Variants in EPRS1 observed in about 807,000 individuals in gnomAD.
EPRS1 encodes glutamyl-prolyl-tRNA synthetase 1, also known as bifunctional glutamate/proline--tRNA ligase.
In EPRS1, 107 loss-of-function variants were observed where a neutral mutation model predicts 188.3. That is an observed-to-expected ratio of 0.57 (90% CI 0.49 to 0.67). The LOEUF (loss-of-function observed/expected upper bound fraction) is 0.67. Among genes scored for constraint, EPRS1 ranks in the 30% least tolerant of loss-of-function variants. The pLI is 0.00. For missense variants in EPRS1, 1,577 were observed against 1,802.2 expected (o/e 0.88, Z 2.26); for synonymous variants, 596 against 593.1 (o/e 1.00, Z -0.07).
chr1:220,021,873 T>G (rs74638998), intron 9 of EPRS1, among the ~76,000 whole-genome samples: 2 of 145,578 alleles, frequency 1.4e-5, no homozygotes, highest in African/African-American at 5.1e-5. Context: ...TTTTTTTTTT[T>G]GGAAAAGGTC....
At chr1:220,018,425 A>G in intron 12 of EPRS1, 24 bp downstream of exon 12, 1 of 1,569,294 alleles carries the variant, frequency 6.4e-7, no homozygotes, top group East Asian at 2.2e-5. Flanking sequence ...ATGAGAAAAG[A>G]AGGCAGAGAG....
intron 30 of EPRS1, among the ~76,000 whole-genome samples, chr1:219,970,306 A>C (rs1313611223): frequency 6.6e-6 from 1 of 152,256 alleles, no homozygotes; most frequent in African/African-American, 2.4e-5. Flanking sequence ...AAAGCAGCTG[A>C]AAATCTAGAG....
intron 1 of EPRS1, among the ~76,000 whole-genome samples, chr1:220,045,151 G>C (rs1293944068): frequency 2.0e-5 from 3 of 152,282 alleles, no homozygotes; most frequent in African/African-American, 7.2e-5. Flanking sequence ...AAAGGTATGG[G>C]CTTCTTCAAC....
chr1:219,999,684 C>T (rs1293258993), intron 17 of EPRS1, among the ~76,000 whole-genome samples: 6 of 151,970 alleles, frequency 3.9e-5, no homozygotes, highest in Non-Finnish European at 8.8e-5. Flanking sequence ...ATTTTAGAAT[C>T]CAGCCCAGGC....
intron 24 of EPRS1, 129 bp from the exon 25 acceptor site, chr1:219,980,986 G>A: frequency 1.6e-6 from 1 of 614,138 alleles, no homozygotes; most frequent in Non-Finnish European, 2.9e-6. Context: ...TGAAACCTCT[G>A]CCTCCCAGGC....
At chr1:219,991,719 C>T (rs1040449691) in intron 18 of EPRS1, among the ~76,000 whole-genome samples, 4 of 152,228 alleles carry the variant, frequency 2.6e-5, no homozygotes, top group South Asian at 2.1e-4. Flanking sequence ...AGGGTAGAGC[C>T]GAGATCCTGA....
chr1:219,980,865 A>G lies in EPRS1; in HGVS notation c.3454-8T>C. 1 of 1,594,146 alleles carries G rather than the reference A, an allele frequency of 6.3e-7. No individual in the cohort carries two copies. Among genetic ancestry groups the G allele is most frequent in the South Asian group, 1.1e-5 (1 of 89,672 alleles). On this transcript the variant is annotated splice_region_variant and splice_polypyrimidine_tract_variant and intron_variant, in intron 24 of 31. Coordinates refer to ENST00000366923, the MANE Select transcript of EPRS1 (RefSeq NM_004446.3). ...ATGCTTGAATTCCCAACGCTGGAAGAGGCAAGAAAACAATTTAGTCATTAT... is the reference window on the plus strand; with the variant it reads ...ATGCTTGAATTCCCAACGCTGGAAGGGGCAAGAAAACAATTTAGTCATTAT...
At position 219,987,354 on chromosome 1, in the gene EPRS1, G is replaced by C; in HGVS notation, c.2826C>G (p.Tyr942Ter). Reference sequence around the variant, plus strand: ...TATACTCTACTCCTATCAAAGACTTGTACTGTGCCTTTAGCTGAAGGAGTT... The same window carrying C: ...TATACTCTACTCCTATCAAAGACTTCTACTGTGCCTTTAGCTGAAGGAGTT... Reference protein sequence around the residue: ...VQELLQLKAQYKSLIGVEYKP... With the variant: ...VQELLQLKAQ The change falls in exon 20 of 32, where the codon TAC becomes TAG. Residue 942 changes from tyrosine to a stop codon, truncating the protein, a stop_gained. Coordinates refer to ENST00000366923, the MANE Select transcript of EPRS1 (RefSeq NM_004446.3). LOFTEE classifies it high-confidence loss of function. 1 of 1,612,966 alleles carries C rather than the reference G, an allele frequency of 6.2e-7. No individual in the cohort carries two copies. Among genetic ancestry groups the C allele is most frequent in the Non-Finnish European group, 8.5e-7 (1 of 1,179,544 alleles).
intron 30 of EPRS1, 172 bp from the exon 31 acceptor site, chr1:219,969,294 A>T: frequency 1.7e-6 from 1 of 602,790 alleles, no homozygotes; most frequent in Admixed American, 3.0e-5. Flanking sequence ...CAGTTATAAA[A>T]GATAGGAAAG....
At chr1:219,981,005 T>C in intron 24 of EPRS1, 148 bp from the exon 25 acceptor site, 1 of 602,076 alleles carries the variant, frequency 1.7e-6, no homozygotes, top group South Asian at 2.1e-5. Context: ...GCTCAAATGA[T>C]CCTTCTACCT....
intron 18 of EPRS1, among the ~76,000 whole-genome samples, chr1:219,995,672 G>A (rs903644432): frequency 2.6e-5 from 4 of 152,102 alleles, no homozygotes; most frequent in Admixed American, 2.0e-4. Context: ...GGTAAGAACC[G>A]CAATTACTTT....
At chr1:220,000,883 A>C (rs1291617234) in intron 17 of EPRS1, among the ~76,000 whole-genome samples, 1 of 152,174 alleles carries the variant, frequency 6.6e-6, no homozygotes, top group African/African-American at 2.4e-5. Context: ...CAGGAGGCTG[A>C]GGCATGAGAA....
chr1:219,985,455 CA>C (rs1419706516), intron 20 of EPRS1, among the ~76,000 whole-genome samples: 1 of 152,118 alleles, frequency 6.6e-6, no homozygotes, highest in Non-Finnish European at 1.5e-5. Flanking sequence ...TGCACTGGTG[CA>C]ATCTAGACTC....
At chr1:219,974,114 T>C (rs12097441) in intron 28 of EPRS1, among the ~76,000 whole-genome samples, 7,007 of 152,150 alleles carry the variant, frequency 0.046, 507 homozygotes, top group African/African-American at 0.16. Flanking sequence ...TGGCTAATTT[T>C]TGTATTTTTA....
chr1:219,993,659 G>C (rs906515454), intron 18 of EPRS1, among the ~76,000 whole-genome samples: 6 of 152,280 alleles, frequency 3.9e-5, no homozygotes, highest in African/African-American at 1.4e-4. Flanking sequence ...TAGTTAAGAA[G>C]CTTAGGCAAA....
At chr1:220,019,739 C>T (rs181677917) in intron 10 of EPRS1, among the ~76,000 whole-genome samples, 15 of 152,268 alleles carry the variant, frequency 9.9e-5, no homozygotes, top group African/African-American at 3.6e-4. Context: ...ATGCTAAGAC[C>T]TGCAGAGGAT....
At chr1:220,019,430 T>A (rs1165730515) in intron 10 of EPRS1, among the ~76,000 whole-genome samples, 1 of 152,144 alleles carries the variant, frequency 6.6e-6, no homozygotes, top group Non-Finnish European at 1.5e-5. Context: ...ACCATGAGAA[T>A]CAGAAAAAAG....
chr1:219,983,146 T>C (rs1158502068), intron 22 of EPRS1, 43 bp downstream of exon 22: 1 of 1,445,548 alleles, frequency 6.9e-7, no homozygotes, highest in Non-Finnish European at 9.5e-7. Context: ...TTTTCCAGTT[T>C]GTCAGAGAAC....
At chr1:220,026,711 T>C (rs1352964117) in intron 6 of EPRS1, among the ~76,000 whole-genome samples, 2 of 151,670 alleles carry the variant, frequency 1.3e-5, no homozygotes, top group African/African-American at 2.4e-5. Context: ...TTTGTATTTT[T>C]AGTAGAGACG....
Sources: gnomAD v4.1 joint callset for allele counts (sites outside exome capture counted in the v4.1 genomes callset) on GRCh38, gnomAD v4.1.1 for gene constraint, MANE v1.5 for transcripts, NCBI Gene and HGNC (gene_info 2026-07-23, HGNC 2026-07-21) for gene names.